Variants in PKM observed in about 807,000 individuals in gnomAD.
The protein encoded by PKM is pyruvate kinase PKM.
Under a neutral mutation model 49.8 loss-of-function variants are expected in PKM, and 18 were observed. That is an observed-to-expected ratio of 0.36 (90% CI 0.25 to 0.54). PKM has a LOEUF of 0.54. Ranked by LOEUF, PKM falls within the 20% of genes least tolerant of loss-of-function variation. The pLI is 0.89. For synonymous variants in PKM, 239 were observed against 261.8 expected (o/e 0.91, Z 0.84); for missense variants, 508 against 713.8 (o/e 0.71, Z 3.28).
At position 72,200,930 on chromosome 15, in the gene PKM, C is replaced by A; in HGVS notation, c.1308-275G>T. 1 of 422,876 alleles carries A rather than the reference C, an allele frequency of 2.4e-6. No homozygotes were observed. 26.2% of individuals were successfully genotyped at this position (422,876 alleles called of 1,614,324 possible). On this transcript the variant is annotated intron_variant, in intron 9 of 10. Transcript: ENST00000335181. The surrounding 1 kb of genome is among the most constrained non-coding windows in gnomAD (Gnocchi z 4.6). ...CAAGATCAGCCTCACCCACTTACCC[C>A]ACACAGCCCATGGTTGGCAGAACCC... is the stretch of plus-strand genomic sequence containing the variant.
Position 72,200,421 on chromosome 15 carries a change from G to T in PKM, c.1489+53C>A. The T allele has an allele frequency of 6.4e-7, 1 of 1,571,248 alleles. No individual in the cohort carries two copies. Among genetic ancestry groups the T allele is most frequent in the Non-Finnish European group, 8.7e-7 (1 of 1,143,770 alleles). ...CTTTCGGGGTCCCACAGAAGCCAAT[G>T]CTCAAGCATCCCCAAGCTCCTCTAG... On this transcript the variant is annotated intron_variant, in intron 10 of 10. Coordinates refer to ENST00000335181, the MANE Select transcript of PKM (RefSeq NM_002654.6). The surrounding 1 kb of genome is among the most constrained non-coding windows in gnomAD (Gnocchi z 4.6).
intron 3 of PKM, among the ~76,000 whole-genome samples, chr15:72,213,585 C>T (rs1358711064): frequency 6.6e-6 from 1 of 152,220 alleles, no homozygotes; most frequent in Non-Finnish European, 1.5e-5. Flanking sequence ...CATGTGCCAC[C>T]ATGCCCAGCC....
rs1198787226 is a variant in PKM, at chr15:72,209,753, T to C, written c.485A>G (p.Lys162Arg). ...CDENILWLDY[K>R]NICKVVEVGS... ...CACTTCCACCACCTTGCAGATGTTC[T>C]TGTAGTCCAGCCACAGGATGTTCTC... is the stretch of plus-strand genomic sequence containing the variant. Residue 162 changes from lysine to arginine, a missense_variant, in exon 5 of 11, where the codon AAG (lysine) becomes AGG (arginine). Coordinates refer to ENST00000335181, the MANE Select transcript of PKM (RefSeq NM_002654.6). 2.5e-6 allele frequency: 4 copies of C among 1,614,098 alleles called. No homozygotes were observed. The highest frequency in any genetic ancestry group is 3.4e-6 in the Non-Finnish European group (4 of 1,179,990).
intron 8 of PKM, chr15:72,206,332 C>A (rs2082077454): frequency 4.4e-6 from 1 of 224,870 alleles, no homozygotes; most frequent in Non-Finnish European, 9.0e-6. Context: ...AGCCCCTAGC[C>A]CTTTTCAGAA....
intron 7 of PKM, 62 bp from the exon 8 acceptor site, chr15:72,206,942 C>T: frequency 1.9e-6 from 3 of 1,584,326 alleles, no homozygotes; most frequent in South Asian, 2.2e-5. Context: ...CAAATGACAG[C>T]AAGCTGATCC....
intron 1 of PKM, 190 bp downstream of exon 1, chr15:72,230,926 A>C (rs767407108): frequency 1.6e-6 from 2 of 1,287,040 alleles, no homozygotes; most frequent in South Asian, 2.5e-5. Flanking sequence ...GGCGCTGGGG[A>C]CTTCTGAAGA....
chr15:72,229,810 C>A (rs1394379398), intron 1 of PKM: 5 of 615,956 alleles, frequency 8.1e-6, no homozygotes, highest in South Asian at 9.4e-5. Context: ...TCAGTGAACG[C>A]GACAGATTTC....
chr15:72,218,363 G>C (rs781177920), intron 2 of PKM, among the ~76,000 whole-genome samples: 2 of 152,040 alleles, frequency 1.3e-5, no homozygotes, highest in Non-Finnish European at 2.9e-5. Context: ...CTGACCTCAG[G>C]TGATCCACCT....
Position 72,200,649 on chromosome 15 carries a change from A to G in PKM, c.1314T>C (p.Ala438=), listed in dbSNP as rs146192061. The G allele has an allele frequency of 2.4e-4, 389 of 1,612,012 alleles. No homozygotes were observed. Among genetic ancestry groups the G allele is most frequent in the Non-Finnish European group, 3.1e-4 (361 of 1,178,632 alleles). ...IIVLTKSGRS[A]HQVARYRPRA... The stretch of plus-strand genomic sequence containing the variant: ...GTGGGCGGTATCTGGCCACCTGGTG[A>G]GCAGACCTGAGATGGGATGGGGGAC... Residue 438 remains alanine, a synonymous_variant, in exon 10 of 11, where the codon GCT becomes GCC. Coordinates refer to ENST00000335181, the MANE Select transcript of PKM (RefSeq NM_002654.6). The surrounding 1 kb of genome is among the most constrained non-coding windows in gnomAD (Gnocchi z 4.6).
intron 5 of PKM, 124 bp from the exon 6 acceptor site, chr15:72,209,015 AC>A: frequency 9.3e-7 from 1 of 1,070,964 alleles, no homozygotes; most frequent in Non-Finnish European, 1.4e-6. Flanking sequence ...GAGCTGTTTT[AC>A]CAGAGTTGAA....
At chr15:72,203,417 T>A in intron 8 of PKM, 1 of 564,582 alleles carries the variant, frequency 1.8e-6, no homozygotes. Flanking sequence ...GGCTCTTCCC[T>A]TCTGGAAGGA....
At chr15:72,207,562 C>T (rs190920491) in intron 6 of PKM, among the ~76,000 whole-genome samples, 31 of 152,342 alleles carry the variant, frequency 2.0e-4, no homozygotes, top group Admixed American at 1.2e-3. Context: ...CCCAAGGTCT[C>T]CTCTCCAAAT....
At chr15:72,220,678 TA>T (rs1452895902) in intron 1 of PKM, among the ~76,000 whole-genome samples, 4 of 152,222 alleles carry the variant, frequency 2.6e-5, no homozygotes, top group Non-Finnish European at 5.9e-5. Flanking sequence ...CCAGGACCTA[TA>T]TGGTTTTGTA....
At chr15:72,215,983 T>G (rs1245267322) in intron 3 of PKM, among the ~76,000 whole-genome samples, 1 of 152,192 alleles carries the variant, frequency 6.6e-6, no homozygotes, top group African/African-American at 2.4e-5. Flanking sequence ...CTGGACTTGG[T>G]CAGGTCCCCA....
At chr15:72,228,375 G>T (rs1305942740) in intron 1 of PKM, among the ~76,000 whole-genome samples, 4 of 90,084 alleles carry the variant, frequency 4.4e-5, no homozygotes, top group African/African-American at 1.6e-4. Context: ...ATTAGTTGTG[G>T]CTTTTTTTTT....
Position 72,200,662 on chromosome 15 carries a change from T to C in PKM, c.1308-7A>G, listed in dbSNP as rs1276660243. 3 of 1,610,396 alleles carry C rather than the reference T, an allele frequency of 1.9e-6. No individual in the cohort carries two copies. The Admixed American group carries it at 5.0e-5, about 27-fold the overall frequency. On this transcript the variant is annotated splice_region_variant and splice_polypyrimidine_tract_variant and intron_variant, in intron 9 of 10. Transcript: ENST00000335181. The surrounding 1 kb of genome is among the most constrained non-coding windows in gnomAD (Gnocchi z 4.6). ...GGCCACCTGGTGAGCAGACCTGAGA[T>C]GGGATGGGGGACATACAGAAGAGAC...
Position 72,211,242 on chromosome 15 carries a change from G to A in PKM, c.247-764C>T, listed in dbSNP as rs575528341. On this transcript the variant is annotated intron_variant, in intron 3 of 10. Coordinates refer to ENST00000335181, the MANE Select transcript of PKM (RefSeq NM_002654.6). ...ACCACCACGCCTGGCTAACTTCTTC[G>A]ATTTTTAGTAGAGACGGGGTTTCAC... Among the ~76,000 whole-genome samples the A allele has an allele frequency of 8.4e-4, 127 of 151,996 alleles. 1 individual carries two copies. The highest frequency in any genetic ancestry group is 3.4e-3 in the Middle Eastern group (1 of 294).
At position 72,202,847 on chromosome 15, in the gene PKM, T is replaced by C; in HGVS notation, c.1141-227A>G. 1 of 743,500 alleles carries C rather than the reference T, an allele frequency of 1.3e-6. No homozygotes were observed. Among genetic ancestry groups the C allele is most frequent in the Non-Finnish European group, 2.3e-6 (1 of 430,322 alleles). The allele number at this position is 743,500 out of a possible 1,614,324, so 46.1% of individuals were successfully genotyped here. ...AAGTGCCTGTGACATCTACTGTGCCTACTGAGCCACAGGACCCTTTGGTCC... is the reference window on the plus strand; with the variant it reads ...AAGTGCCTGTGACATCTACTGTGCCCACTGAGCCACAGGACCCTTTGGTCC... On this transcript the variant is annotated intron_variant, in intron 8 of 10. Transcript: ENST00000335181. The surrounding 1 kb of genome is among the most constrained non-coding windows in gnomAD (Gnocchi z 4.5).
intron 1 of PKM, among the ~76,000 whole-genome samples, chr15:72,227,231 C>T (rs1290224510): frequency 6.6e-6 from 1 of 152,194 alleles, no homozygotes; most frequent in Non-Finnish European, 1.5e-5. Context: ...TCCTTAAGAC[C>T]TCATACCAAA....
Sources: allele counts gnomAD v4.1 joint callset (sites outside exome capture counted in the v4.1 genomes callset), GRCh38; gene constraint gnomAD v4.1.1; non-coding constraint Gnocchi (gnomAD v3.1); transcripts MANE v1.5; gene names NCBI Gene and HGNC (gene_info 2026-07-23, HGNC 2026-07-21).